PATJ: variants seen among roughly 807,000 people sequenced by gnomAD.
PATJ encodes the protein inaD-like protein.
PATJ carries 190 observed loss-of-function variants against 224.9 expected under a neutral mutation model. The ratio of observed to expected loss-of-function variants is 0.84; its 90% CI spans 0.75 to 0.95. PATJ has a LOEUF of 0.95. Among genes scored for constraint, PATJ ranks in the 40% least tolerant of loss-of-function variants. PATJ has a pLI of 0.00. For synonymous variants in PATJ, 769 were observed against 820.3 expected (o/e 0.94, Z 1.07); for missense variants, 2,121 against 2,270.3 (o/e 0.93, Z 1.34).
intron 16 of PATJ, among the ~76,000 whole-genome samples, chr1:61,829,369 C>T (rs1161839423): frequency 1.3e-5 from 2 of 152,132 alleles, no homozygotes; most frequent in South Asian, 2.1e-4. Context: ...CTTTTGCTGT[C>T]CTTACCAAAA....
In PATJ at chr1:61,953,087, A is replaced by G. The variant is rs2498960; in HGVS notation, c.3670+25258A>G. ...TTACCACTGACTTCCTTGTTAACAT[A>G]ATGGTTCTTGCAATCATTGCTACAT... On this transcript the variant is annotated intron_variant, in intron 27 of 43. Transcript: ENST00000642238. Among the ~76,000 whole-genome samples the G allele has an allele frequency of 3.5e-3, 533 of 152,296 alleles. 3 individuals carry two copies. Among genetic ancestry groups the G allele is most frequent in the African/African-American group, 0.012 (502 of 41,562 alleles).
At chr1:61,929,601 T>C (rs961091710) in intron 27 of PATJ, among the ~76,000 whole-genome samples, 2 of 152,150 alleles carry the variant, frequency 1.3e-5, no homozygotes, top group Non-Finnish European at 2.9e-5. Context: ...TCAGAGAAAT[T>C]AAAGAATGTG....
At chr1:61,853,522 T>C (rs1663165544) in intron 17 of PATJ, among the ~76,000 whole-genome samples, 1 of 152,202 alleles carries the variant, frequency 6.6e-6, no homozygotes, top group Non-Finnish European at 1.5e-5. Context: ...AGCTATTATG[T>C]AGTCTCCCTT....
Position 61,856,046 on chromosome 1 carries a change from C to A in PATJ, c.2129C>A (p.Thr710Lys). 1.2e-6 allele frequency: 2 copies of A among 1,613,952 alleles called. No individual in the cohort carries two copies. The highest frequency in any genetic ancestry group is 1.6e-4 in the Middle Eastern group (1 of 6,062). ...ILDYQDPLDP[T>K]RSVIVIRSLV... ...GATTCACAGGACCCTTTAGATCCTA[C>A]AAGATCAGTGATTGTGATCCGCTCC... Residue 710 changes from threonine to lysine, a missense_variant, in exon 18 of 44, where the codon ACA becomes AAA. By Grantham distance (78) the Thr-to-Lys change is moderately conservative (BLOSUM62 -1). Coordinates refer to ENST00000642238, the MANE Select transcript of PATJ (RefSeq NM_001350145.3).
At chr1:61,955,275 A>G (rs1680285122) in intron 27 of PATJ, among the ~76,000 whole-genome samples, 2 of 152,180 alleles carry the variant, frequency 1.3e-5, no homozygotes, top group Admixed American at 1.3e-4. Flanking sequence ...ATACAGCCCT[A>G]AGGTTAAGAG....
intron 1 of PATJ, among the ~76,000 whole-genome samples, chr1:61,761,935 G>A (rs891791039): frequency 2.0e-5 from 3 of 152,050 alleles, no homozygotes; most frequent in African/African-American, 7.2e-5. Context: ...TGATCCTCCT[G>A]CCTCGGCCTC....
intron 41 of PATJ, among the ~76,000 whole-genome samples, chr1:62,139,812 TC>T (rs1350904291): frequency 6.6e-6 from 1 of 151,640 alleles, no homozygotes; most frequent in African/African-American, 2.4e-5. Context: ...CAGGCTGGAA[TC>T]CAGTGTCACG....
At chr1:61,744,284 C>CA (rs35247131) in intron 1 of PATJ, among the ~76,000 whole-genome samples, 2,239 of 69,668 alleles carry the variant, frequency 0.032, 147 homozygotes, top group African/African-American at 0.057. Context: ...AACCCTGTCT[C>CA]AAAAAAAAAA....
intron 31 of PATJ, among the ~76,000 whole-genome samples, chr1:62,061,338 C>G (rs532041230): frequency 6.6e-6 from 1 of 150,696 alleles, no homozygotes; most frequent in African/African-American, 2.4e-5. Context: ...CCCGCCCCCA[C>G]GCCCAGCTAA....
chr1:62,062,095 G>T (rs1268632274), intron 31 of PATJ, among the ~76,000 whole-genome samples: 2 of 152,118 alleles, frequency 1.3e-5, no homozygotes, highest in Non-Finnish European at 2.9e-5. Flanking sequence ...TTTTCCTTTG[G>T]TTATGTAACC....
chr1:62,100,558 G>A (rs1183544308), intron 33 of PATJ: 17 of 560,232 alleles, frequency 3.0e-5, no homozygotes, highest in Admixed American at 2.4e-4. Context: ...TGTCACAATG[G>A]CAATTAAATT....
At chr1:61,836,190 A>AT (rs1383369206) in intron 17 of PATJ, among the ~76,000 whole-genome samples, 2 of 152,116 alleles carry the variant, frequency 1.3e-5, no homozygotes, top group Non-Finnish European at 2.9e-5. Flanking sequence ...TAAATGTAGA[A>AT]TTTTTTGTTC....
At position 61,984,194 on chromosome 1, in the gene PATJ, T is replaced by C. The variant is rs575686428; in HGVS notation, c.3671-5974T>C. 6.0e-4 allele frequency among the ~76,000 whole-genome samples: 90 copies of C among 150,558 alleles called. 1 individual carries two copies. Among genetic ancestry groups the C allele is most frequent in the African/African-American group, 2.2e-3 (88 of 40,588 alleles). On this transcript the variant is annotated intron_variant, in intron 27 of 43. Coordinates refer to ENST00000642238, the MANE Select transcript of PATJ (RefSeq NM_001350145.3). The stretch of plus-strand genomic sequence containing the variant: ...TTTTTTTTTTGAGGCAGAGTGTTGC[T>C]CTGTCACCCAGGCTGGAGTGCAGAG...
intron 27 of PATJ, among the ~76,000 whole-genome samples, chr1:61,940,540 C>A (rs1277427670): frequency 6.6e-6 from 1 of 151,886 alleles, no homozygotes; most frequent in African/African-American, 2.4e-5. Flanking sequence ...CGTGGTGAAA[C>A]TCCATTTCTA....
chr1:61,748,240 T>A (rs1364476393), intron 1 of PATJ, among the ~76,000 whole-genome samples: 4 of 144,326 alleles, frequency 2.8e-5, no homozygotes, highest in Non-Finnish European at 6.0e-5. Flanking sequence ...TATACTGCCT[T>A]AATGCCTTTT....
At chr1:61,918,269 G>GT (rs1673739402) in intron 26 of PATJ, among the ~76,000 whole-genome samples, 1 of 143,622 alleles carries the variant, frequency 7.0e-6, no homozygotes, top group Non-Finnish European at 1.5e-5. Context: ...TATCACCTAA[G>GT]TTTTTTACAT....
chr1:61,804,247 T>C (rs954086659), intron 12 of PATJ, among the ~76,000 whole-genome samples: 4 of 152,132 alleles, frequency 2.6e-5, no homozygotes, highest in African/African-American at 9.6e-5. Flanking sequence ...CCCAAATGAA[T>C]TTGATTTTTT....
In PATJ at chr1:61,811,445, G is replaced by T. The variant is rs1041717328; in HGVS notation, c.1683+2915G>T. Among the ~76,000 whole-genome samples the T allele has an allele frequency of 7.2e-5, 11 of 151,880 alleles. 1 individual carries two copies. The highest frequency in any genetic ancestry group is 4.4e-5 in the Non-Finnish European group (3 of 67,982). ...GAGTTTCACCATGTTGGCCAAGCTGGTCTCGAACTCCTGCCCTCAGGTGAA... is the reference window on the plus strand; with the variant it reads ...GAGTTTCACCATGTTGGCCAAGCTGTTCTCGAACTCCTGCCCTCAGGTGAA... On this transcript the variant is annotated intron_variant, in intron 14 of 43. Coordinates refer to ENST00000642238, the MANE Select transcript of PATJ (RefSeq NM_001350145.3).
intron 27 of PATJ, among the ~76,000 whole-genome samples, chr1:61,957,894 A>C (rs990440869): frequency 3.9e-5 from 6 of 152,210 alleles, no homozygotes; most frequent in Admixed American, 1.3e-4. Context: ...TGTATACTTG[A>C]GCAAATTCGT....
Sources: allele counts gnomAD v4.1 joint callset (sites outside exome capture counted in the v4.1 genomes callset), GRCh38; gene constraint gnomAD v4.1.1; transcripts MANE v1.5; gene names NCBI Gene and HGNC (gene_info 2026-07-23, HGNC 2026-07-21).